Variants in CDK20 observed in about 807,000 individuals in gnomAD.
The protein encoded by CDK20 is cyclin dependent kinase 20.
Under a neutral mutation model 38.6 loss-of-function variants are expected in CDK20, and 40 were observed. The ratio of observed to expected loss-of-function variants is 1.04; its 90% CI spans 0.81 to 1.35. The LOEUF (loss-of-function observed/expected upper bound fraction) is 1.35. Ranked by LOEUF, CDK20 falls within the 40% of genes most tolerant of loss-of-function variation. The pLI is 0.00. For synonymous variants in CDK20, 209 were observed against 185.7 expected (o/e 1.13, Z -1.02); for missense variants, 512 against 452.6 (o/e 1.13, Z -1.19).
In CDK20 at chr9:87,970,436, C is replaced by G. The variant is rs1587620927; in HGVS notation, c.563+132G>C. ...CAACCCCAAAGTGCTCAGAATACCC[C>G]AACCAGGGAAGACACCCTTAAGGAA... is the stretch of plus-strand genomic sequence containing the variant. On this transcript the variant is annotated intron_variant, in intron 5 of 7. Coordinates refer to ENST00000325303, the MANE Select transcript of CDK20 (RefSeq NM_001039803.3). The G allele has an allele frequency of 7.3e-6, 6 of 827,406 alleles. No homozygotes were observed. In the East Asian group the frequency reaches 1.6e-4, roughly 22 times the overall value. The allele number at this position is 827,406 out of a possible 1,614,324, so 51.3% of individuals were successfully genotyped here.
intron 5 of CDK20, 198 bp downstream of exon 5, chr9:87,970,370 C>T: frequency 1.7e-6 from 1 of 578,510 alleles, no homozygotes; most frequent in Non-Finnish European, 3.0e-6. Flanking sequence ...CTCATCCCAC[C>T]TGGCCCCTAC....
chr9:87,974,508 C>T lies in CDK20; in HGVS notation c.-62G>A. On this transcript the variant is annotated 5_prime_UTR_variant, in exon 1 of 8. Coordinates refer to ENST00000325303, the MANE Select transcript of CDK20 (RefSeq NM_001039803.3). Reference sequence around the variant, plus strand: ...GAACTTCCAAACTCCACTTCTCCTCCACCCCACGCTGATCTGAGCTCGCAC... The same window carrying T: ...GAACTTCCAAACTCCACTTCTCCTCTACCCCACGCTGATCTGAGCTCGCAC... 6.8e-7 allele frequency: 1 copy of T among 1,472,010 alleles called. No individual in the cohort carries two copies. Among genetic ancestry groups the T allele is most frequent in the Non-Finnish European group, 9.3e-7 (1 of 1,081,008 alleles). The allele number at this position is 1,472,010 out of a possible 1,614,324, so 91.2% of individuals were successfully genotyped here.
rs759791237 is a variant in CDK20 at position 87,974,424 on chromosome 9, C to T, written c.23G>A (p.Gly8Asp). The T allele has an allele frequency of 3.1e-6, 5 of 1,612,794 alleles. No homozygotes were observed. Among genetic ancestry groups the T allele is most frequent in the Non-Finnish European group, 4.2e-6 (5 of 1,179,956 alleles). ...GCCGTGGGCGCCCTCCCCGATGCGG[C>T]CCAGGATGCAGTACTGGTCCATCCC... MDQYCILGRIGEGAHGIV... is the reference protein window; with the variant it reads MDQYCILDRIGEGAHGIV... The change falls in exon 1 of 8, where the codon GGC becomes GAC. Residue 8 changes from glycine to aspartate, a missense_variant. By Grantham distance (94) the Gly-to-Asp change is moderately conservative. Transcript: ENST00000325303.
chr9:87,968,962 G>A (rs908923832), intron 7 of CDK20: 23 of 542,264 alleles, frequency 4.2e-5, no homozygotes, highest in East Asian at 1.5e-4. Context: ...CATGCCCCTC[G>A]TATGGGCCAC....
At position 87,967,282 on chromosome 9, in the gene CDK20, C is replaced by G. The variant is rs543977316; in HGVS notation, c.*180G>C. 2.8e-6 allele frequency: 2 copies of G among 718,134 alleles called. No individual in the cohort carries two copies. Among genetic ancestry groups the G allele is most frequent in the Admixed American group, 4.0e-5 (2 of 49,914 alleles). 44.5% of individuals were successfully genotyped at this position (718,134 alleles called of 1,614,324 possible). A position where few individuals can be genotyped will look rare whatever the true frequency, so the allele number is the denominator to read the frequency against. On this transcript the variant is annotated 3_prime_UTR_variant, in exon 8 of 8. Transcript: ENST00000325303. ...CTGCTCGACTGGATGTTCTCATACT[C>G]TTGGCTGGGAACATGACCTCTGCCT...
rs1460437228 is a variant in CDK20 at position 87,971,217 on chromosome 9, T to C, written c.308A>G (p.Gln103Arg). ...CAGCATCTGCAGGTAGCTCTTGACC[T>C]GTGCCTGGGCTAGTGGCCTCTGGGC... ...RHAQRPLAQA[Q>R]VKSYLQMLLK... The change falls in exon 3 of 8, where the codon CAG becomes CGG. Residue 103 changes from glutamine (Q) to arginine (R), a missense_variant. Gln to Arg is a conservative substitution (Grantham distance 43). Coordinates refer to ENST00000325303, the MANE Select transcript of CDK20 (RefSeq NM_001039803.3). The C allele has an allele frequency of 1.2e-6, 2 of 1,614,202 alleles. No homozygotes were observed. The highest frequency in any genetic ancestry group is 1.7e-6 in the Non-Finnish European group (2 of 1,180,042).
chr9:87,969,229 G>T lies in CDK20; in HGVS notation c.808C>A (p.Leu270Ile), dbSNP rs764125059. ...QALDLLGQFLLYPPHQRIAAS... is the reference protein window; with the variant it reads ...QALDLLGQFLIYPPHQRIAAS... ...GCGATGCGCTGGTGAGGAGGGTAGA[G>T]AAGGAATTGACCCAGCAGATCCAAT... Residue 270 changes from leucine to isoleucine, a missense_variant, in exon 7 of 8, where the codon CTC becomes ATC. Physicochemically the swap from Leu to Ile is conservative, Grantham distance 5. Coordinates refer to ENST00000325303, the MANE Select transcript of CDK20 (RefSeq NM_001039803.3). 6.2e-7 allele frequency: 1 copy of T among 1,614,108 alleles called. No homozygotes were observed. Among genetic ancestry groups the T allele is most frequent in the Non-Finnish European group, 8.5e-7 (1 of 1,179,980 alleles).
In CDK20 at chr9:87,967,586, A is replaced by G. The variant is rs768220194; in HGVS notation, c.917T>C (p.Leu306Pro). 6.5e-6 allele frequency: 10 copies of G among 1,539,434 alleles called. No homozygotes were observed. Among genetic ancestry groups the G allele is most frequent in the South Asian group, 1.2e-5 (1 of 82,308 alleles). ...ATGGGCCTTGGGGGCAGGTCCCCCT[A>G]GACGCTGAGGAATCGGCAGCTCAGA... ...HPSELPIPQRLGGPAPKAHPG... is the reference protein window; with the variant it reads ...HPSELPIPQRPGGPAPKAHPG... The change falls in exon 8 of 8, where the codon CTA (leucine) becomes CCA (proline). Residue 306 changes from leucine to proline, a missense_variant. Transcript: ENST00000325303.
In CDK20 at chr9:87,967,421, GT is replaced by G; in HGVS notation, c.*40del. On this transcript the variant is annotated 3_prime_UTR_variant, in exon 8 of 8. Transcript: ENST00000325303. The stretch of plus-strand genomic sequence containing the variant: ...GGTGGCAGAGGAACAGGTGGACTGA[GT>G]GGTCCTGAGGAGCAGGCAGACGGGA... 1 of 1,543,802 alleles carries G rather than the reference GT, an allele frequency of 6.5e-7. No homozygotes were observed.
chr9:87,970,584 G>A lies in CDK20; in HGVS notation c.547C>T (p.Gln183Ter). The change falls in exon 5 of 8, where the codon CAG becomes TAG. Residue 183 changes from glutamine to a stop codon, truncating the protein, a stop_gained. Coordinates refer to ENST00000325303, the MANE Select transcript of CDK20 (RefSeq NM_001039803.3). LOFTEE classifies it high-confidence loss of function. ...ELLYGARQYDQGVDLWSVGCI... is the reference protein window; with the variant it reads ...ELLYGARQYD ...GGGTCTCACCACAGATCGACGCCCT[G>A]GTCATACTGGCGGGCACCATACAGG... 1 of 1,614,070 alleles carries A rather than the reference G, an allele frequency of 6.2e-7. No individual in the cohort carries two copies. Among genetic ancestry groups the A allele is most frequent in the Non-Finnish European group, 8.5e-7 (1 of 1,179,988 alleles).
At position 87,970,759 on chromosome 9, in the gene CDK20, G is replaced by A; in HGVS notation, c.500+17C>T. The A allele has an allele frequency of 6.2e-7, 1 of 1,614,086 alleles. No homozygotes were observed. The highest frequency in any genetic ancestry group is 8.5e-7 in the Non-Finnish European group (1 of 1,179,986). On this transcript the variant is annotated intron_variant, in intron 4 of 7. Transcript: ENST00000325303. The stretch of plus-strand genomic sequence containing the variant: ...CTTCCCCATGGAGAAGACTGGAAGG[G>A]ATCTGGCCCTCCCTACCTGGTGGCC...
chr9:87,969,360 G>A lies in CDK20; in HGVS notation c.688-11C>T, dbSNP rs749015672. Reference sequence around the variant, plus strand: ...CAGCTCAGTGAGCTCCTGGGCCAGGGAGAAGGAACAGGGTACAATGAGAGT... The same window carrying A: ...CAGCTCAGTGAGCTCCTGGGCCAGGAAGAAGGAACAGGGTACAATGAGAGT... On this transcript the variant is annotated splice_polypyrimidine_tract_variant and intron_variant, in intron 6 of 7. Coordinates refer to ENST00000325303, the MANE Select transcript of CDK20 (RefSeq NM_001039803.3). 7 of 1,613,540 alleles carry A rather than the reference G, an allele frequency of 4.3e-6. No homozygotes were observed. Among genetic ancestry groups the A allele is most frequent in the Admixed American group, 1.7e-5 (1 of 59,988 alleles).
rs192286561 is a variant in CDK20 at position 87,967,425 on chromosome 9, T to A, written c.*37A>T. The A allele has an allele frequency of 7.8e-6, 12 of 1,548,086 alleles. No individual in the cohort carries two copies. The Admixed American group carries it at 2.0e-4, about 25-fold the overall frequency. On this transcript the variant is annotated 3_prime_UTR_variant, in exon 8 of 8. Coordinates refer to ENST00000325303, the MANE Select transcript of CDK20 (RefSeq NM_001039803.3). ...GCAGAGGAACAGGTGGACTGAGTGG[T>A]CCTGAGGAGCAGGCAGACGGGACCA...
At chr9:87,974,235 C>T in intron 1 of CDK20, 137 bp downstream of exon 1, 2 of 1,224,694 alleles carry the variant, frequency 1.6e-6, no homozygotes, top group African/African-American at 1.5e-5. Context: ...GCGCAACGGC[C>T]CAAAGTAGGT....
Position 87,970,865 on chromosome 9 carries a change from G to A in CDK20, c.411C>T (p.Ala137=). Residue 137 remains alanine, a synonymous_variant, in exon 4 of 8, where the codon GCC becomes GCT. Coordinates refer to ENST00000325303, the MANE Select transcript of CDK20 (RefSeq NM_001039803.3). ...AGTCCGCTATCTTGAGCTGGCCTGAGGCGCTGATGAGCAGGTTGGCAGGTT... is the reference window on the plus strand; with the variant it reads ...AGTCCGCTATCTTGAGCTGGCCTGAAGCGCTGATGAGCAGGTTGGCAGGTT... ...DLKPANLLIS[A]SGQLKIADFG... 6.2e-7 allele frequency: 1 copy of A among 1,614,214 alleles called. No homozygotes were observed. Among genetic ancestry groups the A allele is most frequent in the Middle Eastern group, 1.6e-4 (1 of 6,062 alleles).
intron 1 of CDK20, 109 bp downstream of exon 1, chr9:87,974,263 T>G (rs1328021085): frequency 7.7e-7 from 1 of 1,301,050 alleles, no homozygotes; most frequent in Non-Finnish European, 1.1e-6. Context: ...ATGAGTAGGT[T>G]TTAAAAACTG....
chr9:87,974,133 C>A (rs1184007321), intron 1 of CDK20, 98 bp from the exon 2 acceptor site: 5 of 1,582,800 alleles, frequency 3.2e-6, no homozygotes, highest in Admixed American at 1.7e-5. Flanking sequence ...GACACGCGCC[C>A]CCGGCTCGGC....
intron 6 of CDK20, 197 bp from the exon 7 acceptor site, chr9:87,969,546 ACT>A (rs940632012): frequency 6.5e-6 from 5 of 766,738 alleles, no homozygotes; most frequent in East Asian, 5.4e-5. Context: ...TCAGATGACG[ACT>A]CTGTGCACAG....
intron 7 of CDK20, 174 bp from the exon 8 acceptor site, chr9:87,967,833 A>C: frequency 1.7e-6 from 1 of 572,436 alleles, no homozygotes; most frequent in Non-Finnish European, 3.0e-6. Context: ...GCCGTTAATA[A>C]AACAGACAAA....
Sources: allele counts gnomAD v4.1 joint callset, GRCh38; gene constraint gnomAD v4.1.1; transcripts MANE v1.5; gene names NCBI Gene and HGNC (gene_info 2026-07-23, HGNC 2026-07-21).